DCUN1D4: variants seen among roughly 807,000 people sequenced by gnomAD.
DCUN1D4 encodes defective in cullin neddylation 1 domain containing 4.
A neutral mutation model predicts 47.9 loss-of-function variants in DCUN1D4; 22 were observed. That is an observed-to-expected ratio of 0.46 (90% CI 0.33 to 0.66). The LOEUF (loss-of-function observed/expected upper bound fraction) is 0.66. Among genes scored for constraint, DCUN1D4 ranks in the 30% least tolerant of loss-of-function variants. DCUN1D4 has a pLI of 0.02. For missense variants in DCUN1D4, 301 were observed against 340.8 expected (o/e 0.88, Z 0.92); for synonymous variants, 121 against 112.2 (o/e 1.08, Z -0.50).
rs1221291043 is a variant in DCUN1D4 at position 51,843,197 on chromosome 4, C to G, written c.-46C>G. 1 of 1,536,498 alleles carries G rather than the reference C, an allele frequency of 6.5e-7. No homozygotes were observed. Among genetic ancestry groups the G allele is most frequent in the Non-Finnish European group, 8.8e-7 (1 of 1,142,148 alleles). Reference sequence around the variant, plus strand: ...GTGAGCTGGTGGGGGGACCGCGAGGCGAGCGCGGGAGCCTGGGCGGCGAGC... The same window carrying G: ...GTGAGCTGGTGGGGGGACCGCGAGGGGAGCGCGGGAGCCTGGGCGGCGAGC... On this transcript the variant is annotated 5_prime_UTR_variant, in exon 1 of 11. Transcript: ENST00000334635.
Position 51,914,781 on chromosome 4 carries a change from C to T in DCUN1D4, c.*1197C>T, listed in dbSNP as rs1734160877. The T allele has an allele frequency of 1.4e-5, 2 of 144,070 alleles. No individual in the cohort carries two copies. Among genetic ancestry groups the T allele is most frequent in the Admixed American group, 7.0e-5 (1 of 14,202 alleles). 8.9% of individuals were successfully genotyped at this position (144,070 alleles called of 1,614,324 possible). ...GCCATTATTTTTGTGGATGAGGAAA[C>T]AAGAATAAACAGAATGGTATTTTTA... On this transcript the variant is annotated 3_prime_UTR_variant, in exon 11 of 11. Coordinates refer to ENST00000334635, the MANE Select transcript of DCUN1D4 (RefSeq NM_001040402.3).
In DCUN1D4 at chr4:51,878,706, G is replaced by A. The variant is rs565001277; in HGVS notation, c.343+852G>A. On this transcript the variant is annotated intron_variant, in intron 5 of 10. Transcript: ENST00000334635. ...AAGAGAGTGAACTCCCCGTGCCTTTGCCTGAAATGATTTTCTCCGTTTTTC... is the reference window on the plus strand; with the variant it reads ...AAGAGAGTGAACTCCCCGTGCCTTTACCTGAAATGATTTTCTCCGTTTTTC... Among the ~76,000 whole-genome samples the A allele has an allele frequency of 5.3e-5, 8 of 152,306 alleles. No individual in the cohort carries two copies. In the South Asian group the frequency reaches 1.7e-3, roughly 32 times the overall value.
At chr4:51,844,644 G>C (rs538161659) in intron 1 of DCUN1D4, among the ~76,000 whole-genome samples, 4 of 151,998 alleles carry the variant, frequency 2.6e-5, no homozygotes, top group African/African-American at 9.6e-5. Context: ...AGGGATGGCC[G>C]GGCCCTAGGC....
chr4:51,870,037 T>C (rs1560475097), intron 3 of DCUN1D4, among the ~76,000 whole-genome samples: 1 of 152,194 alleles, frequency 6.6e-6, no homozygotes, highest in Admixed American at 6.5e-5. Flanking sequence ...GATAGGAGGA[T>C]TGATTTCCGA....
chr4:51,871,016 G>C (rs1421339061), intron 3 of DCUN1D4, among the ~76,000 whole-genome samples: 1 of 151,966 alleles, frequency 6.6e-6, no homozygotes. Context: ...GTGAGAGTCA[G>C]TGAGTCAGTG....
At chr4:51,869,225 G>C (rs1261224713) in intron 3 of DCUN1D4, among the ~76,000 whole-genome samples, 2 of 150,606 alleles carry the variant, frequency 1.3e-5, no homozygotes, top group Non-Finnish European at 2.9e-5. Flanking sequence ...GAAGTATTTA[G>C]AGAGAGGAAA....
intron 1 of DCUN1D4, among the ~76,000 whole-genome samples, chr4:51,861,931 T>C (rs566118941): frequency 2.3e-4 from 13 of 57,428 alleles, no homozygotes; most frequent in African/African-American, 5.3e-4. Context: ...TCACGTTTAA[T>C]AAATATAAAT....
At chr4:51,838,648 G>C (rs1721555631), upstream of DCUN1D4, among the ~76,000 whole-genome samples, 1 of 152,186 alleles carries the variant, frequency 6.6e-6, no homozygotes, top group African/African-American at 2.4e-5. Context: ...CTCCGAAAGT[G>C]CTGGGGTTTC....
rs987118087 is a variant in DCUN1D4 at position 51,908,979 on chromosome 4, A to T, written c.616-2091A>T. 11 of 456,158 alleles carry T rather than the reference A, an allele frequency of 2.4e-5. No individual in the cohort carries two copies. In the Admixed American group the frequency reaches 2.6e-4, roughly 11 times the overall value. The allele number at this position is 456,158 out of a possible 1,614,324, so 28.3% of individuals were successfully genotyped here. A position where few individuals can be genotyped will look rare whatever the true frequency, so the allele number is the denominator to read the frequency against. Reference sequence around the variant, plus strand: ...CTGGCACCCTTGCAGAGCAGGAGTAAGTGAGTGCTGTTCAGCTTTCCAGTC... The same window carrying T: ...CTGGCACCCTTGCAGAGCAGGAGTATGTGAGTGCTGTTCAGCTTTCCAGTC... On this transcript the variant is annotated intron_variant, in intron 8 of 10. Coordinates refer to ENST00000334635, the MANE Select transcript of DCUN1D4 (RefSeq NM_001040402.3).
At chr4:51,900,845 C>G (rs1312889729) in intron 8 of DCUN1D4, among the ~76,000 whole-genome samples, 1 of 152,022 alleles carries the variant, frequency 6.6e-6, no homozygotes, top group Non-Finnish European at 1.5e-5. Context: ...CATACCTTCT[C>G]TACCCAAATC....
intron 8 of DCUN1D4, among the ~76,000 whole-genome samples, chr4:51,899,712 C>T (rs561066373): frequency 1.3e-5 from 2 of 152,244 alleles, no homozygotes; most frequent in East Asian, 3.9e-4. Context: ...CAAACCTTCT[C>T]CTGTTGAGTT....
At chr4:51,844,324 G>T in intron 1 of DCUN1D4, 1 of 984,214 alleles carries the variant, frequency 1.0e-6, no homozygotes, top group Non-Finnish European at 1.2e-6. Context: ...AGGGGGCGGG[G>T]CTGAGGTGGA....
chr4:51,885,564 T>G (rs1729346426), intron 5 of DCUN1D4, among the ~76,000 whole-genome samples: 1 of 152,030 alleles, frequency 6.6e-6, no homozygotes, highest in Non-Finnish European at 1.5e-5. Flanking sequence ...TTACGGCAGT[T>G]AAACAGGAGG....
chr4:51,873,509 T>C (rs1234200005), intron 3 of DCUN1D4, among the ~76,000 whole-genome samples: 1 of 152,238 alleles, frequency 6.6e-6, no homozygotes, highest in Non-Finnish European at 1.5e-5. Flanking sequence ...CTCCGTTTTC[T>C]TATCTGCATA....
chr4:51,886,707 C>T, intron 6 of DCUN1D4, 69 bp downstream of exon 6: 2 of 1,254,976 alleles, frequency 1.6e-6, no homozygotes, highest in East Asian at 4.8e-5. Flanking sequence ...TGTTCTTTAG[C>T]AAATAAATAA....
intron 1 of DCUN1D4, among the ~76,000 whole-genome samples, chr4:51,851,321 G>A (rs1429020711): frequency 6.6e-6 from 1 of 152,198 alleles, no homozygotes; most frequent in Non-Finnish European, 1.5e-5. Context: ...TGCCCCGGGG[G>A]CTTTGAGAAC....
At chr4:51,888,519 T>A (rs896003760) in intron 6 of DCUN1D4, among the ~76,000 whole-genome samples, 3 of 151,842 alleles carry the variant, frequency 2.0e-5, no homozygotes, top group Non-Finnish European at 4.4e-5. Flanking sequence ...GACAGGCGGA[T>A]CACCTGAGGT....
At chr4:51,913,437 A>G (rs1733995213) in intron 10 of DCUN1D4, 45 bp downstream of exon 10, 1 of 1,576,432 alleles carries the variant, frequency 6.3e-7, no homozygotes, top group East Asian at 2.2e-5. Context: ...ACATTTCTAT[A>G]TCATCCTCAT....
intron 6 of DCUN1D4, among the ~76,000 whole-genome samples, chr4:51,887,785 C>G (rs1262908922): frequency 1.3e-5 from 2 of 152,000 alleles, no homozygotes; most frequent in Admixed American, 6.6e-5. Context: ...TTATTTTACC[C>G]TTACCATTTC....
Sources: allele counts gnomAD v4.1 joint callset (sites outside exome capture counted in the v4.1 genomes callset), GRCh38; gene constraint gnomAD v4.1.1; transcripts MANE v1.5; gene names NCBI Gene and HGNC (gene_info 2026-07-23, HGNC 2026-07-21).